The following PDE4D variants were observed in gnomAD, a reference collection of about 807,000 sequenced individuals.
PDE4D encodes the protein 3',5'-cyclic-AMP phosphodiesterase 4D.
Under a neutral mutation model 87.4 loss-of-function variants are expected in PDE4D, and 24 were observed. The ratio of observed to expected loss-of-function variants is 0.27; its 90% CI spans 0.20 to 0.39. The LOEUF (loss-of-function observed/expected upper bound fraction) is 0.39. Ranked by LOEUF, PDE4D falls within the 10% of genes least tolerant of loss-of-function variation. The pLI is 1.00. For synonymous variants in PDE4D, 384 were observed against 383.2 expected (o/e 1.00, Z -0.02); for missense variants, 714 against 1,041.0 (o/e 0.69, Z 4.32).
Position 60,057,301 on chromosome 5 carries a change from A to G in PDE4D, c.43-68584T>C, listed in dbSNP as rs1350983907. On this transcript the variant is annotated intron_variant, in intron 2 of 16. Coordinates refer to the PDE4D transcript ENST00000502484. The stretch of plus-strand genomic sequence containing the variant: ...TGTGAAATTTGAGAAGCAACAATAT[A>G]CAAATGTTAGGATGTATTTATCTTT... Among the ~76,000 whole-genome samples the G allele has an allele frequency of 2.0e-5, 3 of 152,076 alleles. No homozygotes were observed. The East Asian group carries it at 5.8e-4, about 29-fold the overall frequency.
At chr5:60,357,348 C>A (rs921605075) in intron 1 of PDE4D, among the ~76,000 whole-genome samples, 1 of 152,012 alleles carries the variant, frequency 6.6e-6, no homozygotes, top group African/African-American at 2.4e-5. Flanking sequence ...GCAGTGAATT[C>A]ACTTTTAAAC....
intron 1 of PDE4D, among the ~76,000 whole-genome samples, chr5:59,609,875 C>G (rs1005934962): frequency 3.3e-5 from 5 of 152,126 alleles, no homozygotes; most frequent in African/African-American, 1.2e-4. Flanking sequence ...CTCTCCTAAT[C>G]ATATCCCGGA....
At chr5:59,910,996 C>T (rs1056369335) in intron 3 of PDE4D, among the ~76,000 whole-genome samples, 9 of 152,226 alleles carry the variant, frequency 5.9e-5, no homozygotes, top group African/African-American at 1.9e-4. Flanking sequence ...CTAACAGATT[C>T]CATCTTGCTT....
chr5:59,753,798 T>C (rs185694042), intron 1 of PDE4D, among the ~76,000 whole-genome samples: 3 of 152,368 alleles, frequency 2.0e-5, no homozygotes, highest in East Asian at 1.9e-4. Flanking sequence ...TGACTAATAC[T>C]GTGCATATCA....
At chr5:59,488,166 CAAAA>C (rs529078753) in intron 1 of PDE4D, among the ~76,000 whole-genome samples, 16,378 of 107,114 alleles carry the variant, frequency 0.15, 1,016 homozygotes, top group African/African-American at 0.2. Flanking sequence ...CATCAAGAGC[CAAAA>C]AAAAAAAAAA....
At chr5:60,445,425 ACTAT>A (rs1488998086) in intron 1 of PDE4D, among the ~76,000 whole-genome samples, 2 of 152,216 alleles carry the variant, frequency 1.3e-5, no homozygotes, top group African/African-American at 2.4e-5. Flanking sequence ...CAAGTGGAAA[ACTAT>A]CTGAGAAAAA....
chr5:59,014,581 T>G (rs889645135), intron 6 of PDE4D, among the ~76,000 whole-genome samples: 1 of 152,072 alleles, frequency 6.6e-6, no homozygotes, highest in African/African-American at 2.4e-5. Context: ...GAATCCAACT[T>G]ACAAGGGATG....
intron 5 of PDE4D, among the ~76,000 whole-genome samples, chr5:59,134,023 G>A (rs927617681): frequency 7.0e-6 from 1 of 143,408 alleles, no homozygotes; most frequent in African/African-American, 2.6e-5. Flanking sequence ...GGGAAGCTCT[G>A]ACAAGCTTAG....
At chr5:59,698,439 T>C (rs1013955327) in intron 1 of PDE4D, among the ~76,000 whole-genome samples, 1 of 151,940 alleles carries the variant, frequency 6.6e-6, no homozygotes, top group South Asian at 2.1e-4. Context: ...GCTTTAAAAC[T>C]ATTACCCAAC....
At chr5:59,625,742 C>T (rs1316904363) in intron 1 of PDE4D, among the ~76,000 whole-genome samples, 1 of 152,058 alleles carries the variant, frequency 6.6e-6, no homozygotes, top group African/African-American at 2.4e-5. Context: ...CATTCTCTTT[C>T]AAAAATAAAT....
intron 3 of PDE4D, among the ~76,000 whole-genome samples, chr5:59,930,143 A>G (rs1755743730): frequency 7.2e-6 from 1 of 137,978 alleles, no homozygotes; most frequent in Non-Finnish European, 1.5e-5. Context: ...AGTCTGGGCA[A>G]CAGAGCGAGA....
At chr5:59,998,040 A>G (rs527388106) in intron 2 of PDE4D, among the ~76,000 whole-genome samples, 100 of 152,318 alleles carry the variant, frequency 6.6e-4, no homozygotes, top group African/African-American at 2.3e-3. Flanking sequence ...ACAAAAAAGA[A>G]TGTCTCATGT....
At chr5:59,507,632 T>C (rs1168495028) in intron 1 of PDE4D, among the ~76,000 whole-genome samples, 21 of 124,196 alleles carry the variant, frequency 1.7e-4, no homozygotes, top group Non-Finnish European at 3.0e-4. Context: ...GGTACTGTAC[T>C]ACAGCCTGGG....
At chr5:59,007,241 A>G (rs1336742570) in intron 6 of PDE4D, among the ~76,000 whole-genome samples, 3 of 152,186 alleles carry the variant, frequency 2.0e-5, no homozygotes, top group Non-Finnish European at 4.4e-5. Flanking sequence ...CCTATAATCA[A>G]TCTACATTTA....
chr5:59,312,294 C>CA (rs1772844692), intron 1 of PDE4D, among the ~76,000 whole-genome samples: 1 of 152,200 alleles, frequency 6.6e-6, no homozygotes, highest in Non-Finnish European at 1.5e-5. Flanking sequence ...ACTCCTGGGA[C>CA]AAGCCCTTTT....
At chr5:59,983,371 T>G (rs1204333121) in intron 3 of PDE4D, among the ~76,000 whole-genome samples, 1 of 152,098 alleles carries the variant, frequency 6.6e-6, no homozygotes, top group Non-Finnish European at 1.5e-5. Flanking sequence ...ACTTCCCTCA[T>G]ATTTCACAGG....
chr5:59,031,178 T>G (rs1293484692), intron 6 of PDE4D, among the ~76,000 whole-genome samples: 1 of 151,876 alleles, frequency 6.6e-6, no homozygotes, highest in Admixed American at 6.6e-5. Context: ...TGAAGGTTCC[T>G]CAAAAATCTA....
At chr5:59,373,713 T>G (rs1412882324) in intron 1 of PDE4D, among the ~76,000 whole-genome samples, 4 of 152,142 alleles carry the variant, frequency 2.6e-5, no homozygotes, top group Non-Finnish European at 4.4e-5. Flanking sequence ...AAGAAGGTCA[T>G]CCCCAAGACA....
At chr5:60,236,167 G>C (rs529318642) in intron 1 of PDE4D, among the ~76,000 whole-genome samples, 7 of 147,522 alleles carry the variant, frequency 4.7e-5, no homozygotes, top group South Asian at 4.2e-4. Flanking sequence ...AAAAATGTTA[G>C]GACTTAGTGC....
Sources: gnomAD v4.1 joint callset for allele counts (sites outside exome capture counted in the v4.1 genomes callset) on GRCh38, gnomAD v4.1.1 for gene constraint, MANE v1.5 for transcripts, NCBI Gene and HGNC (gene_info 2026-07-23, HGNC 2026-07-21) for gene names.